THSD4: variants seen among roughly 807,000 people sequenced by gnomAD.
THSD4 encodes thrombospondin type 1 domain containing 4, also known as thrombospondin type-1 domain-containing protein 4.
THSD4 carries 69 observed loss-of-function variants against 119.0 expected under a neutral mutation model. The observed-to-expected ratio is 0.58, with a 90% CI of 0.48 to 0.71. The LOEUF is 0.71. THSD4 is among the 30% of genes least tolerant of loss of function. The pLI, the probability that THSD4 is intolerant of heterozygous loss-of-function variation, is 0.00. For missense variants in THSD4, 1,393 were observed against 1,391.1 expected, an observed-to-expected ratio of 1.00 and a Z score of -0.02; for synonymous variants, 524 against 540.4, an observed-to-expected ratio of 0.97 and a Z score of 0.42.
chr15:71,566,163 T>C (rs2140890248), intron 7 of THSD4, among the ~76,000 whole-genome samples: 1 of 151,736 alleles, frequency 6.6e-6, no homozygotes, highest in South Asian at 2.1e-4. Context: ...TTTCTTTTTT[T>C]TTTTTTGCTG....
intron 7 of THSD4, among the ~76,000 whole-genome samples, chr15:71,425,847 C>A (rs925513349): frequency 6.6e-6 from 1 of 152,156 alleles, no homozygotes; most frequent in African/African-American, 2.4e-5. Flanking sequence ...GCAGATGAAA[C>A]AAGGAGATGA....
At chr15:71,299,792 T>C (rs2044918333) in intron 6 of THSD4, among the ~76,000 whole-genome samples, 1 of 152,096 alleles carries the variant, frequency 6.6e-6, no homozygotes, top group African/African-American at 2.4e-5. Context: ...TAACACATAT[T>C]GTACCCCATA....
intron 7 of THSD4, among the ~76,000 whole-genome samples, chr15:71,480,547 C>T (rs12905466): frequency 0.18 from 26,981 of 152,210 alleles, 2,924 homozygotes; most frequent in East Asian, 0.29. Context: ...TAAGCACTTC[C>T]TTCTTGCTCG....
At chr15:71,171,908 C>G (rs149189202) in intron 3 of THSD4, among the ~76,000 whole-genome samples, 1 of 152,026 alleles carries the variant, frequency 6.6e-6, no homozygotes, top group African/African-American at 2.4e-5. Context: ...TTTTATAATG[C>G]ATGTAAAATG....
Position 71,330,321 on chromosome 15 carries a change from A to G in THSD4, c.1015+73606A>G, listed in dbSNP as rs190794729. 2.3e-3 allele frequency among the ~76,000 whole-genome samples: 348 copies of G among 152,304 alleles called. 1 individual carries two copies. The highest frequency in any genetic ancestry group is 7.3e-3 in the African/African-American group (305 of 41,570). ...CCCACTCCTCAGAAATGGGTATGAC[A>G]TGTACTTTCTAAAGCTATTCTAAGA... On this transcript the variant is annotated intron_variant, in intron 6 of 17. Coordinates refer to ENST00000261862, the MANE Select transcript of THSD4 (RefSeq NM_024817.3).
intron 7 of THSD4, among the ~76,000 whole-genome samples, chr15:71,527,708 CTTT>C (rs10635101): frequency 2.5e-5 from 2 of 79,714 alleles, no homozygotes; most frequent in Non-Finnish European, 4.9e-5. Context: ...TGTTTATCCT[CTTT>C]TTTTTTTTTT....
At chr15:71,281,804 T>C (rs1487551609) in intron 6 of THSD4, among the ~76,000 whole-genome samples, 1 of 152,230 alleles carries the variant, frequency 6.6e-6, no homozygotes, top group Non-Finnish European at 1.5e-5. Flanking sequence ...GAGTTGGTTT[T>C]TTACCATGAG....
At chr15:71,358,950 C>A (rs771920983) in intron 6 of THSD4, among the ~76,000 whole-genome samples, 8 of 152,204 alleles carry the variant, frequency 5.3e-5, no homozygotes, top group Non-Finnish European at 1.0e-4. Context: ...CCCCAGCACA[C>A]CCTGCCTAAG....
chr15:71,716,782 T>TC (rs2052619769), intron 8 of THSD4, among the ~76,000 whole-genome samples: 1 of 152,088 alleles, frequency 6.6e-6, no homozygotes, highest in African/African-American at 2.4e-5. Flanking sequence ...TCTTGGGGCA[T>TC]CCCCCCTTGC....
chr15:71,238,419 G>C (rs554756991), intron 4 of THSD4, among the ~76,000 whole-genome samples: 1 of 152,096 alleles, frequency 6.6e-6, no homozygotes, highest in Non-Finnish European at 1.5e-5. Flanking sequence ...TCTAATTGCA[G>C]AACAGTTCCA....
At position 71,309,929 on chromosome 15, in the gene THSD4, A is replaced by G. The variant is rs187332258; in HGVS notation, c.1015+53214A>G. Among the ~76,000 whole-genome samples the G allele has an allele frequency of 1.4e-3, 208 of 152,282 alleles. 3 individuals are homozygous for G. Among genetic ancestry groups the G allele is most frequent in the Admixed American group, 3.7e-3 (56 of 15,298 alleles). ...CCTCTGCTACTTTCCTCCCTACCTC[A>G]TGTACTCGCAGATGGACACCCAGCA... On this transcript the variant is annotated intron_variant, in intron 6 of 17. Coordinates refer to ENST00000261862, the MANE Select transcript of THSD4 (RefSeq NM_024817.3).
intron 7 of THSD4, among the ~76,000 whole-genome samples, chr15:71,578,358 G>T (rs2049495302): frequency 6.6e-6 from 1 of 152,086 alleles, no homozygotes; most frequent in East Asian, 1.9e-4. Flanking sequence ...TTATAGCAAG[G>T]ATGATGCTCA....
At chr15:71,177,886 A>G (rs2043462989) in intron 3 of THSD4, among the ~76,000 whole-genome samples, 1 of 149,626 alleles carries the variant, frequency 6.7e-6, no homozygotes, top group South Asian at 2.2e-4. Context: ...CAAAGACAAA[A>G]ACCACATGAT....
intron 6 of THSD4, among the ~76,000 whole-genome samples, chr15:71,258,652 G>A (rs1275574333): frequency 6.6e-6 from 1 of 152,196 alleles, no homozygotes; most frequent in African/African-American, 2.4e-5. Flanking sequence ...TTCTGGTGAA[G>A]ACAAAGTGTA....
At chr15:71,370,776 T>G (rs1031223884) in intron 6 of THSD4, among the ~76,000 whole-genome samples, 19 of 152,170 alleles carry the variant, frequency 1.2e-4, no homozygotes, top group Admixed American at 8.5e-4. Flanking sequence ...GGGTGGAGAG[T>G]TCTGTAGATG....
chr15:71,756,704 A>G (rs1235575193), intron 14 of THSD4, among the ~76,000 whole-genome samples: 3 of 152,162 alleles, frequency 2.0e-5, no homozygotes, highest in Non-Finnish European at 4.4e-5. Context: ...CTTGACCCCA[A>G]GAGGTTGAAG....
intron 7 of THSD4, among the ~76,000 whole-genome samples, chr15:71,525,906 A>G (rs1443319993): frequency 6.6e-6 from 1 of 152,206 alleles, no homozygotes; most frequent in Non-Finnish European, 1.5e-5. Flanking sequence ...CCCCTCAAGG[A>G]CAGGGAATGG....
chr15:71,446,115 T>G (rs1322707578), intron 7 of THSD4, among the ~76,000 whole-genome samples: 1 of 152,216 alleles, frequency 6.6e-6, no homozygotes, highest in Non-Finnish European at 1.5e-5. Flanking sequence ...GCCAGAAATA[T>G]AAATGTCAAT....
chr15:71,572,648 A>T (rs1438634889), intron 7 of THSD4, among the ~76,000 whole-genome samples: 1 of 152,088 alleles, frequency 6.6e-6, no homozygotes, highest in African/African-American at 2.4e-5. Flanking sequence ...CGGAGTCCAA[A>T]AGGGCTTGCT....
Sources: gnomAD v4.1 joint callset for allele counts (sites outside exome capture counted in the v4.1 genomes callset) on GRCh38, gnomAD v4.1.1 for gene constraint, MANE v1.5 for transcripts, NCBI Gene and HGNC (gene_info 2026-07-23, HGNC 2026-07-21) for gene names.